UBE2E2: variants seen among roughly 807,000 people sequenced by gnomAD.
The protein encoded by UBE2E2 is ubiquitin-conjugating enzyme E2 E2.
In UBE2E2, 6 loss-of-function variants were observed where a neutral mutation model predicts 24.7. The ratio of observed to expected loss-of-function variants is 0.24; its 90% CI spans 0.13 to 0.48. The LOEUF is 0.48. Among genes scored for constraint, UBE2E2 ranks in the 20% least tolerant of loss-of-function variants. The pLI, the probability that UBE2E2 is intolerant of heterozygous loss-of-function variation, is 0.99. For synonymous variants in UBE2E2, 104 were observed against 83.6 expected, an observed-to-expected ratio of 1.24 and a Z score of -1.33; for missense variants, 169 against 245.0, an observed-to-expected ratio of 0.69 and a Z score of 2.07.
intron 3 of UBE2E2, among the ~76,000 whole-genome samples, chr3:23,430,789 A>G (rs1170271412): frequency 6.6e-6 from 1 of 152,188 alleles, no homozygotes; most frequent in Non-Finnish European, 1.5e-5. Flanking sequence ...CCAAAGGGCT[A>G]AGATTACTGG....
intron 4 of UBE2E2, among the ~76,000 whole-genome samples, chr3:23,514,571 C>T (rs1694686388): frequency 1.3e-5 from 2 of 151,874 alleles, no homozygotes; most frequent in African/African-American, 4.8e-5. Flanking sequence ...CCAGTAAACC[C>T]AGTAGAAAGT....
intron 3 of UBE2E2, among the ~76,000 whole-genome samples, chr3:23,291,919 C>T (rs1415387093): frequency 1.5e-5 from 2 of 132,898 alleles, no homozygotes; most frequent in African/African-American, 2.9e-5. Flanking sequence ...AGTGCAGTGG[C>T]ACGATCTCGG....
chr3:23,258,458 T>C (rs534302973), intron 3 of UBE2E2, among the ~76,000 whole-genome samples: 2 of 152,324 alleles, frequency 1.3e-5, no homozygotes, highest in South Asian at 2.1e-4. Context: ...AACCTACTGC[T>C]TTTGAATGCA....
At chr3:23,540,387 C>CG (rs544986247) in intron 5 of UBE2E2, among the ~76,000 whole-genome samples, 5,732 of 133,904 alleles carry the variant, frequency 0.043, 375 homozygotes, top group African/African-American at 0.17. Flanking sequence ...GTTTGATGCC[C>CG]TTTTGTTTGT....
chr3:23,574,851 T>C (rs375662845), intron 5 of UBE2E2, among the ~76,000 whole-genome samples: 3 of 152,340 alleles, frequency 2.0e-5, no homozygotes, highest in South Asian at 4.1e-4. Flanking sequence ...TGCTACACTT[T>C]ATGCCAGCAG....
chr3:23,557,768 TAGC>T (rs1695825977), intron 5 of UBE2E2, among the ~76,000 whole-genome samples: 1 of 152,214 alleles, frequency 6.6e-6, no homozygotes, highest in South Asian at 2.1e-4. Flanking sequence ...ATAAGGAGCA[TAGC>T]AGCCTCATCT....
At chr3:23,566,029 G>A (rs1209113264) in intron 5 of UBE2E2, among the ~76,000 whole-genome samples, 3 of 152,160 alleles carry the variant, frequency 2.0e-5, no homozygotes, top group Non-Finnish European at 2.9e-5. Context: ...TTGTTTTAAT[G>A]TATAAGCCAA....
At chr3:23,513,765 T>C (rs924298873) in intron 4 of UBE2E2, among the ~76,000 whole-genome samples, 3 of 152,340 alleles carry the variant, frequency 2.0e-5, no homozygotes, top group Middle Eastern at 6.8e-3. Flanking sequence ...AATAAAAGAA[T>C]ATTTATAATT....
chr3:23,563,910 A>G (rs1309412252), intron 5 of UBE2E2, among the ~76,000 whole-genome samples: 1 of 151,880 alleles, frequency 6.6e-6, no homozygotes, highest in African/African-American at 2.4e-5. Flanking sequence ...TTGTCCTGTT[A>G]CCTCTGACAA....
intron 3 of UBE2E2, among the ~76,000 whole-genome samples, chr3:23,240,893 A>C (rs1249545646): frequency 6.6e-6 from 1 of 152,104 alleles, no homozygotes; most frequent in Non-Finnish European, 1.5e-5. Flanking sequence ...AACGGTGAAA[A>C]TTTATTATAT....
intron 3 of UBE2E2, among the ~76,000 whole-genome samples, chr3:23,406,745 A>G (rs1405044312): frequency 2.0e-5 from 3 of 152,228 alleles, no homozygotes; most frequent in Admixed American, 2.0e-4. Flanking sequence ...GAATGAGGAA[A>G]CAATTCTCCT....
intron 1 of UBE2E2, among the ~76,000 whole-genome samples, chr3:23,205,392 A>G (rs1180787410): frequency 2.6e-5 from 4 of 152,168 alleles, no homozygotes; most frequent in Non-Finnish European, 4.4e-5. Flanking sequence ...TTAATTCAGG[A>G]ATTTTTATTC....
intron 3 of UBE2E2, among the ~76,000 whole-genome samples, chr3:23,235,393 G>A (rs924398244): frequency 2.0e-5 from 3 of 152,138 alleles, no homozygotes; most frequent in Non-Finnish European, 4.4e-5. Flanking sequence ...AAAGCAGATA[G>A]CTCTGATGTT....
upstream of UBE2E2, chr3:23,203,311 C>T (rs1696014168): frequency 2.0e-6 from 2 of 986,946 alleles, no homozygotes; most frequent in Non-Finnish European, 2.4e-6. Context: ...TGGTCGGGTG[C>T]GTGGTGCGTG....
chr3:23,346,696 T>C (rs983839350), intron 3 of UBE2E2, among the ~76,000 whole-genome samples: 4 of 152,228 alleles, frequency 2.6e-5, no homozygotes, highest in African/African-American at 9.6e-5. Context: ...ATTCATGCCA[T>C]TAGAAAAATG....
intron 3 of UBE2E2, among the ~76,000 whole-genome samples, chr3:23,488,374 C>T (rs1449353321): frequency 6.6e-6 from 1 of 152,048 alleles, no homozygotes; most frequent in East Asian, 1.9e-4. Context: ...TACCGCCCCG[C>T]CGACAGGCCC....
At position 23,532,745 on chromosome 3, in the gene UBE2E2, T is replaced by G. The variant is rs924442069; in HGVS notation, c.508+44T>G. On this transcript the variant is annotated intron_variant, in intron 5 of 5. Transcript: ENST00000396703. ...AGTATGAATTGGAGCTTGTCAAGAT[T>G]TAAATGTCAGACCCTTAGTAACTTG... The G allele has an allele frequency of 2.7e-6, 4 of 1,463,738 alleles. No homozygotes were observed. In the African/African-American group the frequency reaches 5.5e-5, roughly 20 times the overall value. The allele number at this position is 1,463,738 out of a possible 1,614,324, so 90.7% of individuals were successfully genotyped here.
chr3:23,512,534 CA>C (rs1446482072), intron 4 of UBE2E2, among the ~76,000 whole-genome samples: 1 of 152,040 alleles, frequency 6.6e-6, no homozygotes, highest in Non-Finnish European at 1.5e-5. Flanking sequence ...CCACTGCACC[CA>C]ACCAGCCATA....
chr3:23,333,973 G>C (rs1427459993), intron 3 of UBE2E2, among the ~76,000 whole-genome samples: 6 of 152,054 alleles, frequency 3.9e-5, no homozygotes, highest in African/African-American at 1.4e-4. Flanking sequence ...TTGTATTATT[G>C]TTAAATTAAA....
Sources: allele counts gnomAD v4.1 joint callset (sites outside exome capture counted in the v4.1 genomes callset), GRCh38; gene constraint gnomAD v4.1.1; transcripts MANE v1.5; gene names NCBI Gene and HGNC (gene_info 2026-07-23, HGNC 2026-07-21).